GSN: variants seen among roughly 807,000 people sequenced by gnomAD.
GSN encodes the protein actin-depolymerizing factor.
GSN carries 56 observed loss-of-function variants against 85.7 expected under a neutral mutation model. The observed-to-expected ratio is 0.65, with a 90% CI of 0.53 to 0.82. The LOEUF is 0.82. Among genes scored for constraint, GSN ranks in the 40% least tolerant of loss-of-function variants. The pLI is 0.00. For missense variants in GSN, 857 were observed against 979.8 expected (o/e 0.87, Z 1.67); for synonymous variants, 373 against 399.1 (o/e 0.93, Z 0.78).
intron 2 of GSN, among the ~76,000 whole-genome samples, chr9:121,287,154 C>T (rs2132761757): frequency 6.6e-6 from 1 of 152,238 alleles, no homozygotes; most frequent in Non-Finnish European, 1.5e-5. Context: ...TCAGGGAAAG[C>T]TTTGTTTGGC....
chr9:121,301,217 G>C lies in GSN; in HGVS notation c.-9-746G>C, dbSNP rs534419285. ...TCTGAGGGGTCTACCCATCATCCCAGAGCTTGTGATCTTGGAGCCTGGGGC... is the reference window on the plus strand; with the variant it reads ...TCTGAGGGGTCTACCCATCATCCCACAGCTTGTGATCTTGGAGCCTGGGGC... On this transcript the variant is annotated intron_variant, in intron 2 of 17. Transcript: ENST00000432226. Among the ~76,000 whole-genome samples, 53 of 152,318 alleles carry C rather than the reference G, an allele frequency of 3.5e-4. 1 individual carries two copies. The highest frequency in any genetic ancestry group is 2.4e-4 in the Non-Finnish European group (16 of 68,022).
upstream of GSN, among the ~76,000 whole-genome samples, chr9:121,203,892 T>A (rs947188008): frequency 6.6e-6 from 1 of 152,250 alleles, no homozygotes; most frequent in African/African-American, 2.4e-5. Context: ...ATTGAAATCC[T>A]TTTGCAACCC....
chr9:121,214,893 C>T (rs534135879), intron 4 of GSN, among the ~76,000 whole-genome samples: 2 of 152,270 alleles, frequency 1.3e-5, no homozygotes, highest in African/African-American at 4.8e-5. Flanking sequence ...ATATAGGCTC[C>T]TTGTTGTATG....
At chr9:121,230,413 G>T (rs935387470) in intron 4 of GSN, among the ~76,000 whole-genome samples, 1 of 152,262 alleles carries the variant, frequency 6.6e-6, no homozygotes, top group East Asian at 1.9e-4. Flanking sequence ...ATCGTTAGCT[G>T]TCTGCGCACA....
intron 12 of GSN, among the ~76,000 whole-genome samples, chr9:121,325,602 C>T (rs752000453): frequency 6.6e-6 from 1 of 152,046 alleles, no homozygotes; most frequent in Non-Finnish European, 1.5e-5. Context: ...GGCAGCAGAG[C>T]TGGTTTGTGG....
intron 5 of GSN, chr9:121,239,197 G>T: frequency 3.1e-6 from 1 of 324,650 alleles, no homozygotes; most frequent in Non-Finnish European, 6.1e-6. Flanking sequence ...CTCTTCTCTG[G>T]CTGTAGAAAC....
Position 121,329,138 on chromosome 9 carries a change from C to A in GSN, c.1888-100C>A. 6.8e-7 allele frequency: 1 copy of A among 1,466,108 alleles called. No homozygotes were observed. The highest frequency in any genetic ancestry group is 9.5e-7 in the Non-Finnish European group (1 of 1,052,152). 90.8% of individuals were successfully genotyped at this position (1,466,108 alleles called of 1,614,324 possible). On this transcript the variant is annotated intron_variant, in intron 15 of 17. Transcript: ENST00000432226. The surrounding 1 kb of genome is among the most constrained non-coding windows in gnomAD (Gnocchi z 4.6). ...GTGGCACAGAGGAAGGGGCCCCCTG[C>A]CAGCTGCAGCCAGCTGTGCCACTCC...
chr9:121,328,842 G>A (rs769773322), intron 14 of GSN, 49 bp from the exon 15 acceptor site: 2 of 1,599,596 alleles, frequency 1.3e-6, no homozygotes, highest in East Asian at 2.2e-5. Context: ...TGAGATGGGA[G>A]AGAGGGGTGA....
chr9:121,306,718 C>G (rs1162026035), intron 4 of GSN, among the ~76,000 whole-genome samples: 1 of 152,202 alleles, frequency 6.6e-6, no homozygotes, highest in Non-Finnish European at 1.5e-5. Flanking sequence ...ACAGGAAAAA[C>G]TTCAAAAAAC....
intron 4 of GSN, chr9:121,222,065 T>C (rs2054180267): frequency 6.6e-6 from 1 of 151,826 alleles, no homozygotes; most frequent in African/African-American, 2.4e-5. Context: ...AGTCTCCTGT[T>C]CTGTCTTTTA....
At chr9:121,312,662 T>C (rs2061304440) in intron 6 of GSN, 174 bp downstream of exon 6, 3 of 586,046 alleles carry the variant, frequency 5.1e-6, no homozygotes, top group Non-Finnish European at 8.5e-6. Flanking sequence ...ATCTTATTCA[T>C]TGTTGCCTGA....
chr9:121,318,903 G>A lies in GSN; in HGVS notation c.1191+23G>A. 1.9e-6 allele frequency: 3 copies of A among 1,564,612 alleles called. No individual in the cohort carries two copies. Among genetic ancestry groups the A allele is most frequent in the Non-Finnish European group, 2.6e-6 (3 of 1,135,424 alleles). On this transcript the variant is annotated intron_variant, in intron 10 of 17. Coordinates refer to ENST00000432226, the MANE Select transcript of GSN (RefSeq NM_198252.3). The surrounding 1 kb of genome is among the most constrained non-coding windows in gnomAD (Gnocchi z 4.3). ...CAGGTACGTTTAGGGCGTGGGGTGGGTGTGTCCAGGCCCCTCCCTCACTTT... is the reference window on the plus strand; with the variant it reads ...CAGGTACGTTTAGGGCGTGGGGTGGATGTGTCCAGGCCCCTCCCTCACTTT...
intron 7 of GSN, among the ~76,000 whole-genome samples, chr9:121,315,377 G>T (rs2061595930): frequency 6.6e-6 from 1 of 152,120 alleles, no homozygotes; most frequent in Non-Finnish European, 1.5e-5. Context: ...AGTCCCTCTT[G>T]GTGCACTTGT....
intron 5 of GSN, chr9:121,312,075 G>A (rs934042273): frequency 1.4e-5 from 6 of 414,018 alleles, no homozygotes; most frequent in African/African-American, 1.2e-4. Flanking sequence ...CCTTCAGCAG[G>A]CAAACATTTT....
intron 1 of GSN, among the ~76,000 whole-genome samples, chr9:121,270,997 T>C (rs2055858735): frequency 6.6e-6 from 1 of 152,210 alleles, no homozygotes; most frequent in African/African-American, 2.4e-5. Flanking sequence ...TGGGTGACCT[T>C]GGGCAAATCC....
At chr9:121,289,124 C>T (rs1235727433) in intron 2 of GSN, among the ~76,000 whole-genome samples, 1 of 152,044 alleles carries the variant, frequency 6.6e-6, no homozygotes, top group Non-Finnish European at 1.5e-5. Context: ...CAAGCAACAG[C>T]AGGAACCAAG....
intron 6 of GSN, 50 bp from the exon 7 acceptor site, chr9:121,313,883 TG>T: frequency 1.4e-6 from 2 of 1,394,566 alleles, no homozygotes; most frequent in Non-Finnish European, 2.0e-6. Context: ...CTCAGGAGCC[TG>T]GCCCCTCCCT....
intron 2 of GSN, among the ~76,000 whole-genome samples, chr9:121,292,495 A>G (rs1241089724): frequency 2.0e-5 from 3 of 152,214 alleles, no homozygotes; most frequent in African/African-American, 7.2e-5. Context: ...CACATGCTGT[A>G]GGTCATCTTT....
chr9:121,222,150 G>T (rs2054182610), intron 4 of GSN: 2 of 152,108 alleles, frequency 1.3e-5, no homozygotes, highest in Non-Finnish European at 2.9e-5. Flanking sequence ...TGGATCATAT[G>T]AAATGTATAA....
Sources: allele counts gnomAD v4.1 joint callset (sites outside exome capture counted in the v4.1 genomes callset), GRCh38; gene constraint gnomAD v4.1.1; non-coding constraint Gnocchi (gnomAD v3.1); transcripts MANE v1.5; gene names NCBI Gene and HGNC (gene_info 2026-07-23, HGNC 2026-07-21).